Variants in AFG1L observed in about 807,000 individuals in gnomAD.
AFG1L encodes AFG1 like ATPase.
AFG1L carries 53 observed loss-of-function variants against 62.2 expected under a neutral mutation model. The ratio of observed to expected loss-of-function variants is 0.85; its 90% CI spans 0.68 to 1.07. The LOEUF (loss-of-function observed/expected upper bound fraction) is 1.07, where lower values mean the gene tolerates loss of function less well. Ranked by LOEUF, AFG1L falls within the 50% of genes least tolerant of loss-of-function variation. The pLI is 0.00. For missense variants in AFG1L, 555 were observed against 590.5 expected, an observed-to-expected ratio of 0.94 and a Z score of 0.62; for synonymous variants, 228 against 210.3, an observed-to-expected ratio of 1.08 and a Z score of -0.73.
rs1477958349 is a variant in AFG1L at position 108,449,865 on chromosome 6, C to G, written c.890+2569C>G. On this transcript the variant is annotated intron_variant, in intron 8 of 12. Transcript: ENST00000368977. The stretch of plus-strand genomic sequence containing the variant: ...GAATATGCAGTGTTTGGTTTTTTGT[C>G]CTTGCCATAGTTTGCTGAGAATGAT... Among the ~76,000 whole-genome samples the G allele has an allele frequency of 2.6e-5, 4 of 152,150 alleles. No homozygotes were observed. In the East Asian group the frequency reaches 5.8e-4, roughly 22 times the overall value.
intron 6 of AFG1L, among the ~76,000 whole-genome samples, chr6:108,373,587 A>AT (rs879277202): frequency 0.035 from 4,620 of 133,364 alleles, 234 homozygotes; most frequent in African/African-American, 0.11. Flanking sequence ...TAGTTCTGAG[A>AT]TTTTTTTTTT....
chr6:108,501,657 T>C (rs1774208606), intron 10 of AFG1L, among the ~76,000 whole-genome samples: 1 of 152,162 alleles, frequency 6.6e-6, no homozygotes, highest in African/African-American at 2.4e-5. Context: ...AGGAAGATTC[T>C]GTGTAGAGTG....
chr6:108,423,759 T>A (rs1375991207), intron 7 of AFG1L, among the ~76,000 whole-genome samples: 5 of 152,098 alleles, frequency 3.3e-5, no homozygotes, highest in African/African-American at 1.2e-4. Context: ...TAATGTGTAA[T>A]CAGAATATAC....
intron 8 of AFG1L, among the ~76,000 whole-genome samples, chr6:108,450,320 T>C (rs1423774476): frequency 6.6e-6 from 1 of 152,218 alleles, no homozygotes; most frequent in African/African-American, 2.4e-5. Flanking sequence ...GGTATCTCAT[T>C]GTGGTTTTGA....
intron 7 of AFG1L, among the ~76,000 whole-genome samples, chr6:108,412,850 G>A (rs946932697): frequency 6.6e-6 from 1 of 152,168 alleles, no homozygotes; most frequent in East Asian, 1.9e-4. Flanking sequence ...GGAAGAAACT[G>A]CATCAACTAA....
chr6:108,346,876 G>GTA, intron 2 of AFG1L, 112 bp from the exon 3 acceptor site: 1 of 754,700 alleles, frequency 1.3e-6, no homozygotes, highest in Non-Finnish European at 2.3e-6. Context: ...CTTACTTATT[G>GTA]TATATAATAG....
At chr6:108,434,023 G>A (rs1416463197) in intron 7 of AFG1L, among the ~76,000 whole-genome samples, 1 of 152,184 alleles carries the variant, frequency 6.6e-6, no homozygotes, top group Non-Finnish European at 1.5e-5. Flanking sequence ...GACCAAGACA[G>A]GCACTTAAAG....
At chr6:108,295,627 C>A in intron 1 of AFG1L, 1 of 164,306 alleles carries the variant, frequency 6.1e-6, no homozygotes, top group Non-Finnish European at 1.3e-5. Flanking sequence ...TCTGCAGGCC[C>A]TGATGTCTCT....
rs1346435866 is a variant in AFG1L at position 108,519,066 on chromosome 6, T to G, written c.1204-631T>G. Among the ~76,000 whole-genome samples, 3 of 152,222 alleles carry G rather than the reference T, an allele frequency of 2.0e-5. No individual in the cohort carries two copies. The East Asian group carries it at 5.8e-4, about 29-fold the overall frequency. ...TAATTTATAAATAATAGGAATTTATTTCTTCCAGTTCTGTGAGGTCTGAGA... is the reference window on the plus strand; with the variant it reads ...TAATTTATAAATAATAGGAATTTATGTCTTCCAGTTCTGTGAGGTCTGAGA... On this transcript the variant is annotated intron_variant, in intron 11 of 12. Coordinates refer to ENST00000368977, the MANE Select transcript of AFG1L (RefSeq NM_145315.5).
intron 2 of AFG1L, among the ~76,000 whole-genome samples, chr6:108,325,522 A>G (rs1010075113): frequency 1.3e-5 from 2 of 148,188 alleles, no homozygotes; most frequent in East Asian, 2.0e-4. Context: ...TTTTTGCTCT[A>G]TTGCCCAGGC....
chr6:108,354,301 G>T (rs1562102954), intron 3 of AFG1L, among the ~76,000 whole-genome samples: 2 of 148,886 alleles, frequency 1.3e-5, no homozygotes, highest in Non-Finnish European at 3.0e-5. Flanking sequence ...TGAACCCTAT[G>T]TTTTTTTTTT....
chr6:108,370,608 G>C (rs1383876961), intron 6 of AFG1L, among the ~76,000 whole-genome samples: 1 of 152,072 alleles, frequency 6.6e-6, no homozygotes, highest in Non-Finnish European at 1.5e-5. Context: ...TGATGGCAAT[G>C]GATATGGAGA....
chr6:108,335,139 G>A lies in AFG1L; in HGVS notation c.363+11091G>A, dbSNP rs141024679. The stretch of plus-strand genomic sequence containing the variant: ...CTCCGAAGCAGCTGGGATTATAGGC[G>A]TTTGCCACTGTGCTTGGCTAATTTT... On this transcript the variant is annotated intron_variant, in intron 2 of 12. Transcript: ENST00000368977. Among the ~76,000 whole-genome samples, 16 of 152,090 alleles carry A rather than the reference G, an allele frequency of 1.1e-4. 1 individual carries two copies. Among genetic ancestry groups the A allele is most frequent in the East Asian group, 5.8e-4 (3 of 5,170 alleles).
chr6:108,492,928 T>C (rs1018957243), intron 10 of AFG1L, among the ~76,000 whole-genome samples: 2 of 151,672 alleles, frequency 1.3e-5, no homozygotes, highest in Non-Finnish European at 2.9e-5. Context: ...AACTAACCAA[T>C]CAAATAATTA....
intron 10 of AFG1L, among the ~76,000 whole-genome samples, chr6:108,501,768 C>T (rs933379993): frequency 5.9e-5 from 9 of 152,090 alleles, no homozygotes; most frequent in African/African-American, 2.2e-4. Context: ...GGAGGCTGGG[C>T]AATAATACAG....
chr6:108,414,385 T>G (rs373800076), intron 7 of AFG1L, among the ~76,000 whole-genome samples: 2 of 151,998 alleles, frequency 1.3e-5, no homozygotes, highest in African/African-American at 2.4e-5. Flanking sequence ...CTATTCCAAT[T>G]AATAGAAAAA....
At position 108,476,936 on chromosome 6, in the gene AFG1L, G is replaced by T; in HGVS notation, c.961+1G>T. 2 of 1,612,314 alleles carry T rather than the reference G, an allele frequency of 1.2e-6. No homozygotes were observed. Among genetic ancestry groups the T allele is most frequent in the Non-Finnish European group, 8.5e-7 (1 of 1,178,430 alleles). On this transcript the variant is annotated splice_donor_variant, in intron 9 of 12. Coordinates refer to ENST00000368977, the MANE Select transcript of AFG1L (RefSeq NM_145315.5). LOFTEE classifies it high-confidence loss of function. ...GAGCTGGCTCAGAAACAAAATGATT[G>T]TACGTAAGTTAATTTCTCTTGAAAG...
At chr6:108,461,098 C>T (rs1772448222) in intron 8 of AFG1L, among the ~76,000 whole-genome samples, 1 of 152,098 alleles carries the variant, frequency 6.6e-6, no homozygotes, top group African/African-American at 2.4e-5. Flanking sequence ...ATTTTTGTTA[C>T]TTTCTTAGTG....
At chr6:108,373,704 G>A (rs1035021358) in intron 6 of AFG1L, among the ~76,000 whole-genome samples, 4 of 151,654 alleles carry the variant, frequency 2.6e-5, no homozygotes, top group Non-Finnish European at 4.4e-5. Context: ...AGCCTCTCGA[G>A]TAGCTGGGAC....
Sources: allele counts gnomAD v4.1 joint callset (sites outside exome capture counted in the v4.1 genomes callset), GRCh38; gene constraint gnomAD v4.1.1; transcripts MANE v1.5; gene names NCBI Gene and HGNC (gene_info 2026-07-23, HGNC 2026-07-21).